Variants in PDE3B observed in about 807,000 individuals in gnomAD.
PDE3B encodes cGMP-inhibited 3',5'-cyclic phosphodiesterase 3B.
PDE3B carries 66 observed loss-of-function variants against 116.8 expected under a neutral mutation model. The ratio of observed to expected loss-of-function variants is 0.56; its 90% confidence interval spans 0.46 to 0.69. PDE3B has a LOEUF of 0.69. Ranked by LOEUF, PDE3B falls within the 30% of genes least tolerant of loss-of-function variation. The pLI is 0.00. For missense variants in PDE3B, 1,384 were observed against 1,368.1 expected (o/e 1.01, Z -0.18); for synonymous variants, 595 against 533.6 (o/e 1.12, Z -1.59).
intron 4 of PDE3B, among the ~76,000 whole-genome samples, chr11:14,789,481 T>C (rs1488961715): frequency 6.6e-6 from 1 of 151,816 alleles, no homozygotes; most frequent in African/African-American, 2.4e-5. Flanking sequence ...CCTGAGAACA[T>C]GAGATAGTTT....
chr11:14,770,250 A>G (rs1412119112), intron 1 of PDE3B, among the ~76,000 whole-genome samples: 2 of 151,326 alleles, frequency 1.3e-5, no homozygotes, highest in East Asian at 3.9e-4. Flanking sequence ...CTAGACATCT[A>G]TTCGTGAACT....
At chr11:14,657,831 A>C (rs1242058184) in intron 1 of PDE3B, among the ~76,000 whole-genome samples, 2 of 152,230 alleles carry the variant, frequency 1.3e-5, no homozygotes, top group Non-Finnish European at 2.9e-5. Flanking sequence ...GGTCTCAAAA[A>C]ATAACACCCA....
intron 12 of PDE3B, among the ~76,000 whole-genome samples, chr11:14,855,016 C>G (rs11023366): frequency 0.15 from 23,105 of 151,694 alleles, 2,196 homozygotes; most frequent in African/African-American, 0.27. Flanking sequence ...GAACAGGAAA[C>G]TATAATAAAG....
the PDE3B span, among the ~76,000 whole-genome samples, chr11:14,894,613 C>T: frequency 4.6e-5 from 7 of 152,284 alleles, no homozygotes; most frequent in Admixed American, 1.3e-4. Flanking sequence ...TGAGTTACCC[C>T]GAGGCAGCCA....
chr11:14,779,979 A>G (rs1857929665), intron 2 of PDE3B, among the ~76,000 whole-genome samples: 1 of 151,436 alleles, frequency 6.6e-6, no homozygotes. Flanking sequence ...AAGATCTACC[A>G]AGCAAATGGA....
chr11:14,698,518 T>G (rs977502209), intron 1 of PDE3B, among the ~76,000 whole-genome samples: 3 of 151,902 alleles, frequency 2.0e-5, no homozygotes, highest in African/African-American at 4.8e-5. Flanking sequence ...CTTTGCTAAA[T>G]TATCATTTTT....
intron 1 of PDE3B, among the ~76,000 whole-genome samples, chr11:14,676,417 C>A (rs1288811334): frequency 1.3e-5 from 2 of 152,092 alleles, no homozygotes; most frequent in African/African-American, 4.8e-5. Flanking sequence ...GCAGTTGTAA[C>A]ACAATGCTAA....
chr11:14,650,201 G>GTTT (rs59519371), intron 1 of PDE3B, among the ~76,000 whole-genome samples: 5 of 130,888 alleles, frequency 3.8e-5, no homozygotes, highest in East Asian at 2.2e-4. Flanking sequence ...ATTCAGCAAT[G>GTTT]TTTTTTTTTT....
chr11:14,881,860 C>T, the PDE3B span, among the ~76,000 whole-genome samples: 1 of 152,072 alleles, frequency 6.6e-6, no homozygotes, highest in African/African-American at 2.4e-5. Context: ...AATTAAACCT[C>T]TTTTCTTTAT....
chr11:14,660,265 CTTATTTCTAATATTCCTTA>C (rs1853852621), intron 1 of PDE3B, among the ~76,000 whole-genome samples: 1 of 151,172 alleles, frequency 6.6e-6, no homozygotes, highest in South Asian at 2.1e-4. Flanking sequence ...ACGACAAGAG[CTTATTTCTAATATTCCTTA>C]TATTATTGCT....
intron 1 of PDE3B, among the ~76,000 whole-genome samples, chr11:14,733,142 G>A (rs1289441186): frequency 1.3e-5 from 2 of 152,072 alleles, no homozygotes; most frequent in Non-Finnish European, 2.9e-5. Context: ...TAAGATGCTT[G>A]AACATTTTGA....
At chr11:14,660,442 C>T (rs1461650068) in intron 1 of PDE3B, among the ~76,000 whole-genome samples, 1 of 151,702 alleles carries the variant, frequency 6.6e-6, no homozygotes, top group Non-Finnish European at 1.5e-5. Context: ...GCTGGGGCTA[C>T]AGGCACGTGC....
At chr11:14,662,519 G>T (rs1254151096) in intron 1 of PDE3B, among the ~76,000 whole-genome samples, 1 of 151,804 alleles carries the variant, frequency 6.6e-6, no homozygotes, top group African/African-American at 2.4e-5. Flanking sequence ...TGAGCTACAG[G>T]AAGAAATTCA....
In PDE3B at chr11:14,752,567, G is replaced by A. The variant is rs1007106822; in HGVS notation, c.979-19370G>A. Among the ~76,000 whole-genome samples, 10 of 152,006 alleles carry A rather than the reference G, an allele frequency of 6.6e-5. No homozygotes were observed. In the East Asian group the frequency reaches 7.7e-4, roughly 12 times the overall value. ...CTTCTAAAGTTCCTCCCTCCTTCAA[G>A]TTTTATGCTATGGAGTCATGGCTGT... On this transcript the variant is annotated intron_variant, in intron 1 of 15. Transcript: ENST00000282096.
intron 4 of PDE3B, among the ~76,000 whole-genome samples, chr11:14,791,061 T>G (rs1858369681): frequency 6.6e-6 from 1 of 152,124 alleles, no homozygotes; most frequent in Non-Finnish European, 1.5e-5. Flanking sequence ...GTGATTTAAT[T>G]CTTATTAATT....
At chr11:14,753,045 A>G (rs1007392) in intron 1 of PDE3B, among the ~76,000 whole-genome samples, 53,620 of 151,854 alleles carry the variant, frequency 0.35, 10,888 homozygotes, top group South Asian at 0.46. Context: ...AAGATAACAT[A>G]TTTGTGTTTT....
chr11:14,869,720 C>T lies in PDE3B; in HGVS notation c.*60C>T, dbSNP rs535817521. 1.6e-5 allele frequency: 23 copies of T among 1,409,298 alleles called. No homozygotes were observed. In the East Asian group the frequency reaches 5.3e-4, roughly 33 times the overall value. The allele number at this position is 1,409,298 out of a possible 1,614,324, so 87.3% of individuals were successfully genotyped here. On this transcript the variant is annotated 3_prime_UTR_variant, in exon 16 of 16. Coordinates refer to ENST00000282096, the MANE Select transcript of PDE3B (RefSeq NM_000922.4). ...AAGCCCAGAGGGTTGTGCCCAGGGGCAGAAATCATTGCCTAGTGTTCACCG... is the reference window on the plus strand; with the variant it reads ...AAGCCCAGAGGGTTGTGCCCAGGGGTAGAAATCATTGCCTAGTGTTCACCG...
chr11:14,864,639 G>C (rs1277215810), intron 14 of PDE3B, among the ~76,000 whole-genome samples: 2 of 152,072 alleles, frequency 1.3e-5, no homozygotes, highest in Admixed American at 6.6e-5. Flanking sequence ...CTCAGGATTA[G>C]GAAACTCACT....
At chr11:14,789,590 C>T (rs1386992820) in intron 4 of PDE3B, among the ~76,000 whole-genome samples, 2 of 151,904 alleles carry the variant, frequency 1.3e-5, no homozygotes, top group Non-Finnish European at 2.9e-5. Flanking sequence ...TGAATAGTAT[C>T]CAAAGGTAGG....
Sources: gnomAD v4.1 joint callset for allele counts (sites outside exome capture counted in the v4.1 genomes callset) on GRCh38, gnomAD v4.1.1 for gene constraint, MANE v1.5 for transcripts, NCBI Gene and HGNC (gene_info 2026-07-23, HGNC 2026-07-21) for gene names.